FBXL7: variants seen among roughly 807,000 people sequenced by gnomAD.
FBXL7 encodes F-box and leucine rich repeat protein 7.
In FBXL7, 12 loss-of-function variants were observed where a neutral mutation model predicts 38.3. The observed-to-expected ratio is 0.31, with a 90% CI of 0.20 to 0.51. The LOEUF (loss-of-function observed/expected upper bound fraction) is 0.51. Ranked by LOEUF, FBXL7 falls within the 20% of genes least tolerant of loss-of-function variation. The probability of loss-of-function intolerance (pLI) is 0.98; values close to 1 mark genes in which losing one functional copy is unlikely to be tolerated. For synonymous variants in FBXL7, 297 were observed against 300.9 expected (o/e 0.99, Z 0.13); for missense variants, 567 against 676.4 (o/e 0.84, Z 1.79).
chr5:15,707,047 C>T (rs1191862899), intron 2 of FBXL7, among the ~76,000 whole-genome samples: 4 of 151,936 alleles, frequency 2.6e-5, no homozygotes, highest in Admixed American at 1.3e-4. Context: ...TACAGAATGC[C>T]GACCTGGAAC....
chr5:15,634,000 C>T (rs1741088795), intron 2 of FBXL7, among the ~76,000 whole-genome samples: 1 of 151,954 alleles, frequency 6.6e-6, no homozygotes, highest in South Asian at 2.1e-4. Flanking sequence ...AGGCTGGTCT[C>T]AAACTCCTTA....
At chr5:15,791,495 G>T (rs1433636608) in intron 2 of FBXL7, among the ~76,000 whole-genome samples, 2 of 152,178 alleles carry the variant, frequency 1.3e-5, no homozygotes, top group Non-Finnish European at 2.9e-5. Flanking sequence ...CTAGGGTCCA[G>T]AAATGATGGG....
At chr5:15,705,767 A>G (rs1173407736) in intron 2 of FBXL7, among the ~76,000 whole-genome samples, 1 of 152,170 alleles carries the variant, frequency 6.6e-6, no homozygotes, top group Non-Finnish European at 1.5e-5. Context: ...GGAAGTCAAT[A>G]GTAAGATAGG....
rs527378955 is a variant in FBXL7 at position 15,761,673 on chromosome 5, A to G, written c.127+145601A>G. 3.9e-4 allele frequency among the ~76,000 whole-genome samples: 60 copies of G among 152,224 alleles called. 1 individual carries two copies. Among genetic ancestry groups the G allele is most frequent in the South Asian group, 2.7e-3 (13 of 4,820 alleles). Reference sequence around the variant, plus strand: ...ATTCTCCCACCTCAGCCTCCCAAGTAGCTGGGACTGTAGGTGTACTCCACC... The same window carrying G: ...ATTCTCCCACCTCAGCCTCCCAAGTGGCTGGGACTGTAGGTGTACTCCACC... On this transcript the variant is annotated intron_variant, in intron 2 of 3. Coordinates refer to ENST00000504595, the MANE Select transcript of FBXL7 (RefSeq NM_012304.5).
intron 2 of FBXL7, among the ~76,000 whole-genome samples, chr5:15,872,843 C>T (rs184669893): frequency 3.9e-5 from 6 of 152,266 alleles, no homozygotes; most frequent in Admixed American, 3.9e-4. Flanking sequence ...GCGACCTTAA[C>T]ACCCCACTAT....
At position 15,789,951 on chromosome 5, in the gene FBXL7, A is replaced by G. The variant is rs116612839; in HGVS notation, c.128-137939A>G. Among the ~76,000 whole-genome samples the G allele has an allele frequency of 3.7e-3, 564 of 152,254 alleles. 4 individuals carry two copies. Among genetic ancestry groups the G allele is most frequent in the African/African-American group, 0.012 (505 of 41,558 alleles). On this transcript the variant is annotated intron_variant, in intron 2 of 3. Coordinates refer to ENST00000504595, the MANE Select transcript of FBXL7 (RefSeq NM_012304.5). ...TGAATTAGTGAGGGGCAGATTCTGG[A>G]CCTTGAATTTGCCCTGATGCTGCAT...
At chr5:15,664,130 T>G (rs1003171083) in intron 2 of FBXL7, among the ~76,000 whole-genome samples, 42 of 152,290 alleles carry the variant, frequency 2.8e-4, no homozygotes, top group African/African-American at 9.1e-4. Context: ...CTTAGAAATT[T>G]TTTTATATTG....
intron 1 of FBXL7, among the ~76,000 whole-genome samples, chr5:15,615,365 T>G (rs1740410809): frequency 6.6e-6 from 1 of 152,204 alleles, no homozygotes; most frequent in Non-Finnish European, 1.5e-5. Context: ...AGATGCCAGT[T>G]GCACCTCCTG....
intron 2 of FBXL7, among the ~76,000 whole-genome samples, chr5:15,775,426 G>A (rs1013224551): frequency 6.6e-6 from 1 of 151,622 alleles, no homozygotes; most frequent in South Asian, 2.1e-4. Context: ...ACACATCATG[G>A]GAAGCTGGTG....
chr5:15,639,457 A>G (rs1281665670), intron 2 of FBXL7, among the ~76,000 whole-genome samples: 1 of 152,128 alleles, frequency 6.6e-6, no homozygotes, highest in Non-Finnish European at 1.5e-5. Context: ...GTTTCCCTGC[A>G]CAGGCTCTCT....
chr5:15,892,138 T>C lies in FBXL7; in HGVS notation c.128-35752T>C, dbSNP rs73062483. Among the ~76,000 whole-genome samples, 330 of 152,286 alleles carry C rather than the reference T, an allele frequency of 2.2e-3. 1 individual carries two copies. The highest frequency in any genetic ancestry group is 7.5e-3 in the African/African-American group (313 of 41,568). On this transcript the variant is annotated intron_variant, in intron 2 of 3. Coordinates refer to ENST00000504595, the MANE Select transcript of FBXL7 (RefSeq NM_012304.5). ...CAAAGCGCAGAGCACAGAGAAAGCC[T>C]GGGGGACAGGGGAACAAACGGAGTG...
At chr5:15,717,356 A>G (rs1744073047) in intron 2 of FBXL7, among the ~76,000 whole-genome samples, 2 of 152,224 alleles carry the variant, frequency 1.3e-5, no homozygotes, top group South Asian at 4.1e-4. Flanking sequence ...CCATGCAGGT[A>G]TAAAATGGAG....
intron 3 of FBXL7, among the ~76,000 whole-genome samples, chr5:15,933,405 G>C (rs888257626): frequency 6.6e-6 from 1 of 152,146 alleles, no homozygotes; most frequent in African/African-American, 2.4e-5. Context: ...AAGAGTTTAA[G>C]AGCAAAGGTT....
chr5:15,640,778 C>A (rs1741340822), intron 2 of FBXL7, among the ~76,000 whole-genome samples: 1 of 152,186 alleles, frequency 6.6e-6, no homozygotes, highest in African/African-American at 2.4e-5. Flanking sequence ...CCCACCTTGG[C>A]CTCCCAAAGT....
intron 2 of FBXL7, among the ~76,000 whole-genome samples, chr5:15,900,770 A>G (rs966351868): frequency 3.9e-5 from 6 of 152,232 alleles, no homozygotes; most frequent in Admixed American, 1.3e-4. Context: ...AAGGACAAAG[A>G]AAATCATTGC....
chr5:15,642,049 A>G (rs774235918), intron 2 of FBXL7, among the ~76,000 whole-genome samples: 1 of 151,266 alleles, frequency 6.6e-6, no homozygotes, highest in Admixed American at 6.6e-5. Context: ...GATCTCTGGC[A>G]TATTTTAGGA....
At chr5:15,778,896 G>A (rs184861615) in intron 2 of FBXL7, among the ~76,000 whole-genome samples, 53 of 152,248 alleles carry the variant, frequency 3.5e-4, no homozygotes, top group African/African-American at 1.3e-3. Context: ...GTGTTTAATA[G>A]CAGAGCACCT....
At chr5:15,733,535 T>TG (rs1417015110) in intron 2 of FBXL7, among the ~76,000 whole-genome samples, 2 of 152,200 alleles carry the variant, frequency 1.3e-5, no homozygotes, top group Non-Finnish European at 2.9e-5. Context: ...AACACTGTAC[T>TG]GGGAAGAGTT....
intron 1 of FBXL7, among the ~76,000 whole-genome samples, chr5:15,542,764 G>A (rs1737791505): frequency 6.6e-6 from 1 of 152,066 alleles, no homozygotes; most frequent in Admixed American, 6.6e-5. Flanking sequence ...ATTCTAAATG[G>A]GAAATTCCTT....
Sources: allele counts gnomAD v4.1 joint callset (sites outside exome capture counted in the v4.1 genomes callset), GRCh38; gene constraint gnomAD v4.1.1; transcripts MANE v1.5; gene names NCBI Gene and HGNC (gene_info 2026-07-23, HGNC 2026-07-21).